Variants in GPC5 observed in about 807,000 individuals in gnomAD.
The protein encoded by GPC5 is glypican 5, also known as glypican-5.
GPC5 carries 47 observed loss-of-function variants against 53.9 expected under a neutral mutation model. The observed-to-expected ratio is 0.87, with a 90% CI of 0.69 to 1.11. GPC5 has a LOEUF of 1.11. GPC5 is among the 50% of genes most tolerant of loss of function. The pLI is 0.00. For missense variants in GPC5, 748 were observed against 713.1 expected (o/e 1.05, Z -0.56); for synonymous variants, 286 against 263.3 (o/e 1.09, Z -0.84).
At position 91,578,385 on chromosome 13, in the gene GPC5, G is replaced by C. The variant is rs541409370; in HGVS notation, c.326-114802G>C. ...TCAGGTAATGTCTTATGCAGCACTA[G>C]GTTAGTAAATCACTGTTCATGTTTT... On this transcript the variant is annotated intron_variant, in intron 2 of 7. Transcript: ENST00000377067. Among the ~76,000 whole-genome samples the C allele has an allele frequency of 1.9e-3, 288 of 152,210 alleles. 2 individuals carry two copies. The highest frequency in any genetic ancestry group is 6.6e-3 in the African/African-American group (274 of 41,520).
intron 7 of GPC5, among the ~76,000 whole-genome samples, chr13:92,737,579 T>C (rs1253684778): frequency 1.3e-5 from 2 of 152,010 alleles, no homozygotes; most frequent in African/African-American, 4.8e-5. Flanking sequence ...ACTTACAAAG[T>C]GTTTTTCTTC....
intron 5 of GPC5, among the ~76,000 whole-genome samples, chr13:91,874,550 A>G (rs1444799661): frequency 6.6e-6 from 1 of 152,116 alleles, no homozygotes; most frequent in African/African-American, 2.4e-5. Flanking sequence ...TATTTTGACT[A>G]CCCTTCTGTT....
intron 7 of GPC5, among the ~76,000 whole-genome samples, chr13:92,584,531 G>T (rs575462540): frequency 6.6e-6 from 1 of 152,248 alleles, no homozygotes; most frequent in Admixed American, 6.5e-5. Context: ...AAGGGAAGCA[G>T]AACATAAAAG....
At chr13:92,772,112 C>G (rs1875637717) in intron 7 of GPC5, among the ~76,000 whole-genome samples, 1 of 152,034 alleles carries the variant, frequency 6.6e-6, no homozygotes, top group Non-Finnish European at 1.5e-5. Context: ...TTAAAACATC[C>G]ACAGCTGCCA....
At chr13:92,730,579 C>G (rs759713808) in intron 7 of GPC5, among the ~76,000 whole-genome samples, 2 of 150,668 alleles carry the variant, frequency 1.3e-5, no homozygotes, top group Non-Finnish European at 3.0e-5. Flanking sequence ...GATCTGTGTC[C>G]AGACTTGCTT....
At chr13:91,527,269 A>G (rs1264586529) in intron 2 of GPC5, among the ~76,000 whole-genome samples, 1 of 152,258 alleles carries the variant, frequency 6.6e-6, no homozygotes, top group East Asian at 1.9e-4. Context: ...GGATACAGGC[A>G]TTGGGTAAAT....
chr13:92,519,098 C>T (rs577330030), intron 7 of GPC5, among the ~76,000 whole-genome samples: 1 of 152,128 alleles, frequency 6.6e-6, no homozygotes, highest in Non-Finnish European at 1.5e-5. Flanking sequence ...TATATATGCA[C>T]CCAATGCAGG....
At chr13:92,493,520 T>C (rs1189247269) in intron 7 of GPC5, among the ~76,000 whole-genome samples, 1 of 152,110 alleles carries the variant, frequency 6.6e-6, no homozygotes, top group Non-Finnish European at 1.5e-5. Flanking sequence ...ACTGCAGTAG[T>C]AGGTTTTGGT....
intron 7 of GPC5, among the ~76,000 whole-genome samples, chr13:92,648,428 G>GA (rs397761569): frequency 6.6e-6 from 1 of 150,782 alleles, no homozygotes; most frequent in Non-Finnish European, 1.5e-5. Flanking sequence ...TCAATATTAG[G>GA]CATATTTTAT....
chr13:92,862,108 C>G (rs1442484733), intron 7 of GPC5, among the ~76,000 whole-genome samples: 1 of 152,116 alleles, frequency 6.6e-6, no homozygotes, highest in Admixed American at 6.6e-5. Flanking sequence ...CAATGAGGAC[C>G]ACATTTGAAT....
intron 7 of GPC5, among the ~76,000 whole-genome samples, chr13:92,152,196 C>T (rs2041912159): frequency 6.6e-6 from 1 of 152,154 alleles, no homozygotes; most frequent in Non-Finnish European, 1.5e-5. Context: ...ATGATTAAAG[C>T]TCTTCTATGT....
chr13:91,648,604 T>A (rs558015796), intron 2 of GPC5, among the ~76,000 whole-genome samples: 5 of 152,260 alleles, frequency 3.3e-5, no homozygotes, highest in South Asian at 2.1e-4. Context: ...AACAAAAAAA[T>A]TAGTAAATTT....
Position 92,248,400 on chromosome 13 carries a change from CT to C in GPC5, c.1561+103413del, listed in dbSNP as rs376710444. 3.3e-3 allele frequency among the ~76,000 whole-genome samples: 504 copies of C among 152,192 alleles called. 5 individuals carry two copies. The highest frequency in any genetic ancestry group is 0.012 in the African/African-American group (478 of 41,560). On this transcript the variant is annotated intron_variant, in intron 7 of 7. Coordinates refer to ENST00000377067, the MANE Select transcript of GPC5 (RefSeq NM_004466.6). ...AAGAACCTAGCCACAGGAGTTAAAA[CT>C]TATGGTTCTGGGACCAGATGGACTG... is the stretch of plus-strand genomic sequence containing the variant.
intron 7 of GPC5, among the ~76,000 whole-genome samples, chr13:92,371,072 C>T (rs1013868182): frequency 1.3e-5 from 2 of 152,104 alleles, no homozygotes; most frequent in African/African-American, 2.4e-5. Flanking sequence ...ATTGCTTGAA[C>T]CCAGGAGGCG....
intron 7 of GPC5, among the ~76,000 whole-genome samples, chr13:92,345,828 C>T (rs76179283): frequency 0.018 from 2,686 of 152,266 alleles, 89 homozygotes; most frequent in African/African-American, 0.061. Flanking sequence ...CATACCTAAA[C>T]TGCCTGAGGT....
At position 92,247,445 on chromosome 13, in the gene GPC5, A is replaced by G. The variant is rs574190992; in HGVS notation, c.1561+102456A>G. Among the ~76,000 whole-genome samples the G allele has an allele frequency of 3.3e-5, 5 of 152,250 alleles. No homozygotes were observed. In the East Asian group the frequency reaches 9.7e-4, roughly 29 times the overall value. On this transcript the variant is annotated intron_variant, in intron 7 of 7. Transcript: ENST00000377067. ...ATTCTATATTTGGTGACACTAGTAT[A>G]TAATTCTTTAATGCTGTTTAGGTTG... is the stretch of plus-strand genomic sequence containing the variant.
In GPC5 at chr13:91,735,672, CTCTGTT is replaced by C. The variant is rs991675680; in HGVS notation, c.1154+7011_1154+7016del. Among the ~76,000 whole-genome samples the C allele has an allele frequency of 6.6e-5, 10 of 151,210 alleles. 2 individuals carry two copies. The highest frequency in any genetic ancestry group is 2.5e-4 in the African/African-American group (10 of 40,616). On this transcript the variant is annotated intron_variant, in intron 4 of 7. Transcript: ENST00000377067. ...TGCTATAAATGGCTATTTTTCTGAA[CTCTGTT>C]TCTAATGGTTGGCCTTTTGATCATA...
intron 6 of GPC5, among the ~76,000 whole-genome samples, chr13:92,093,667 G>A (rs2041398923): frequency 6.6e-6 from 1 of 152,140 alleles, no homozygotes; most frequent in African/African-American, 2.4e-5. Context: ...AACCCTGTAA[G>A]TGCAATTCTA....
At chr13:92,746,272 T>C (rs988109797) in intron 7 of GPC5, among the ~76,000 whole-genome samples, 14 of 152,136 alleles carry the variant, frequency 9.2e-5, no homozygotes, top group Non-Finnish European at 1.0e-4. Context: ...TTAAATCATT[T>C]CTGGCTTCAG....
Sources: gnomAD v4.1 joint callset for allele counts (sites outside exome capture counted in the v4.1 genomes callset) on GRCh38, gnomAD v4.1.1 for gene constraint, MANE v1.5 for transcripts, NCBI Gene and HGNC (gene_info 2026-07-23, HGNC 2026-07-21) for gene names.